MYOZ2: variants seen among roughly 807,000 people sequenced by gnomAD.
The protein encoded by MYOZ2 is myozenin-2.
Under a neutral mutation model 25.4 loss-of-function variants are expected in MYOZ2, and 19 were observed. That is an observed-to-expected ratio of 0.75 (90% confidence interval 0.52 to 1.10). MYOZ2 has a LOEUF of 1.10. Among genes scored for constraint, MYOZ2 ranks in the 50% least tolerant of loss-of-function variants. The probability of loss-of-function intolerance (pLI) is 0.00; values close to 1 mark genes in which losing one functional copy is unlikely to be tolerated. For missense variants in MYOZ2, 270 were observed against 317.9 expected (o/e 0.85, Z 1.15); for synonymous variants, 92 against 106.9 (o/e 0.86, Z 0.86).
chr4:119,166,509 CA>C (rs34894750), intron 5 of MYOZ2, among the ~76,000 whole-genome samples: 44,385 of 136,084 alleles, frequency 0.33, 7,363 homozygotes, highest in South Asian at 0.4. Context: ...GACCCTGTCT[CA>C]AAAAAAAAAA....
chr4:119,154,871 G>GCACA (rs199708837), intron 3 of MYOZ2, among the ~76,000 whole-genome samples: 1 of 147,662 alleles, frequency 6.8e-6, no homozygotes, highest in East Asian at 2.0e-4. Context: ...ACACACACAC[G>GCACA]CACACACACA....
intron 5 of MYOZ2, among the ~76,000 whole-genome samples, chr4:119,175,311 G>C (rs1016046299): frequency 1.3e-5 from 2 of 152,220 alleles, no homozygotes; most frequent in Non-Finnish European, 2.9e-5. Context: ...TTTTAGTGCA[G>C]AGGGATGTGT....
At chr4:119,147,182 T>C (rs1578726943) in intron 2 of MYOZ2, among the ~76,000 whole-genome samples, 1 of 152,282 alleles carries the variant, frequency 6.6e-6, no homozygotes. Flanking sequence ...TTGATGTATT[T>C]AGATTATTTA....
At chr4:119,158,929 T>C (rs1395166300) in intron 4 of MYOZ2, among the ~76,000 whole-genome samples, 4 of 152,176 alleles carry the variant, frequency 2.6e-5, no homozygotes, top group Non-Finnish European at 4.4e-5. Context: ...AGTAACCTAA[T>C]TGTACATTTT....
chr4:119,154,074 T>G (rs7681001), intron 3 of MYOZ2, among the ~76,000 whole-genome samples: 89,705 of 152,014 alleles, frequency 0.59, 28,784 homozygotes, highest in Non-Finnish European at 0.72. Context: ...AAAAGGGGAA[T>G]TATACTATTA....
chr4:119,148,763 C>T (rs1248439734), intron 2 of MYOZ2, among the ~76,000 whole-genome samples: 1 of 55,342 alleles, frequency 1.8e-5, no homozygotes, highest in Non-Finnish European at 4.0e-5. Flanking sequence ...CTGATGGAGT[C>T]ATTGGCAAAA....
At chr4:119,178,220 C>T (rs1248409269) in intron 5 of MYOZ2, among the ~76,000 whole-genome samples, 1 of 152,204 alleles carries the variant, frequency 6.6e-6, no homozygotes. Context: ...GCCTTCATTG[C>T]TGGCTCCTCC....
At chr4:119,156,497 C>T (rs1451293264) in intron 3 of MYOZ2, among the ~76,000 whole-genome samples, 1 of 151,880 alleles carries the variant, frequency 6.6e-6, no homozygotes, top group Non-Finnish European at 1.5e-5. Context: ...ATTAGGCATG[C>T]GATGTTTAAA....
intron 5 of MYOZ2, among the ~76,000 whole-genome samples, chr4:119,178,706 A>C (rs1742129158): frequency 6.6e-6 from 1 of 152,124 alleles, no homozygotes; most frequent in African/African-American, 2.4e-5. Context: ...TCCTGGATTC[A>C]AGTGATTCTG....
intron 2 of MYOZ2, among the ~76,000 whole-genome samples, chr4:119,141,526 G>A (rs368739022): frequency 2.0e-5 from 3 of 152,108 alleles, no homozygotes; most frequent in Non-Finnish European, 4.4e-5. Context: ...GGAATTACAG[G>A]TGCCTGCCAC....
rs74486914 is a variant in MYOZ2, at chr4:119,166,430, C to G, written c.560+2036C>G. Among the ~76,000 whole-genome samples, 35 of 151,698 alleles carry G rather than the reference C, an allele frequency of 2.3e-4. No homozygotes were observed. In the East Asian group the frequency reaches 6.4e-3, roughly 28 times the overall value. ...GTGAGGCGAGAGGGTCGCTTGAGCCCAGGAGGTTGAGGCTGCTGCAATGAG... is the reference window on the plus strand; with the variant it reads ...GTGAGGCGAGAGGGTCGCTTGAGCCGAGGAGGTTGAGGCTGCTGCAATGAG... On this transcript the variant is annotated intron_variant, in intron 5 of 5. Coordinates refer to ENST00000307128, the MANE Select transcript of MYOZ2 (RefSeq NM_016599.5).
At chr4:119,138,979 T>A (rs541687070) in intron 2 of MYOZ2, among the ~76,000 whole-genome samples, 260 of 152,226 alleles carry the variant, frequency 1.7e-3, no homozygotes, top group Middle Eastern at 3.4e-3. Flanking sequence ...AGTGATAACC[T>A]CAAAGAATTA....
chr4:119,158,190 G>A (rs368750257), intron 4 of MYOZ2, 39 bp downstream of exon 4: 48 of 1,607,954 alleles, frequency 3.0e-5, no homozygotes, highest in Non-Finnish European at 3.7e-5. Flanking sequence ...TAAAATTTCT[G>A]TGTACCTAAT....
chr4:119,150,829 T>C, intron 2 of MYOZ2, 43 bp from the exon 3 acceptor site: 2 of 1,575,124 alleles, frequency 1.3e-6, no homozygotes, highest in Non-Finnish European at 1.7e-6. Context: ...GCATTAAAAA[T>C]GCTTACCTTG....
At chr4:119,162,897 C>CA (rs1578737643) in intron 4 of MYOZ2, among the ~76,000 whole-genome samples, 2 of 152,140 alleles carry the variant, frequency 1.3e-5, no homozygotes, top group African/African-American at 4.8e-5. Flanking sequence ...AAAATGGCTA[C>CA]ATTTAGGTCT....
chr4:119,186,430 A>G lies in MYOZ2; in HGVS notation c.*230A>G. ...TGTCTTCATTCATAATTTTGTTTTC[A>G]CCTGGTTTAAAGAATCCAGATATTT... On this transcript the variant is annotated 3_prime_UTR_variant, in exon 6 of 6. Transcript: ENST00000307128. The G allele has an allele frequency of 1.9e-6, 1 of 515,640 alleles. No homozygotes were observed. Among genetic ancestry groups the G allele is most frequent in the Non-Finnish European group, 3.4e-6 (1 of 293,148 alleles). 31.9% of individuals were successfully genotyped at this position (515,640 alleles called of 1,614,324 possible).
chr4:119,167,529 G>A (rs1038815299), intron 5 of MYOZ2, among the ~76,000 whole-genome samples: 1 of 152,192 alleles, frequency 6.6e-6, no homozygotes, highest in African/African-American at 2.4e-5. Context: ...CTAGCTAAGA[G>A]GATTGATGAA....
At chr4:119,143,282 G>A (rs1741213092) in intron 2 of MYOZ2, among the ~76,000 whole-genome samples, 1 of 151,344 alleles carries the variant, frequency 6.6e-6, no homozygotes, top group East Asian at 1.9e-4. Flanking sequence ...TGCAACCTCT[G>A]CCTCCCAGGT....
chr4:119,168,683 A>AAACAACAACAACAACAACAAC (rs150292392), intron 5 of MYOZ2, among the ~76,000 whole-genome samples: 19 of 150,938 alleles, frequency 1.3e-4, no homozygotes, highest in African/African-American at 4.4e-4. Flanking sequence ...AACAACAACA[A>AAACAACAACAACAACAACAAC]AACAACAACA....
Sources: allele counts gnomAD v4.1 joint callset (sites outside exome capture counted in the v4.1 genomes callset), GRCh38; gene constraint gnomAD v4.1.1; transcripts MANE v1.5; gene names NCBI Gene and HGNC (gene_info 2026-07-23, HGNC 2026-07-21).